MARCHF11: variants seen among roughly 807,000 people sequenced by gnomAD.
MARCHF11 encodes the protein membrane associated ring-CH-type finger 11.
A neutral mutation model predicts 37.3 loss-of-function variants in MARCHF11; 29 were observed. The observed-to-expected ratio is 0.78, with a 90% CI of 0.58 to 1.06. MARCHF11 has a LOEUF of 1.06. Ranked by LOEUF, MARCHF11 falls within the 50% of genes least tolerant of loss-of-function variation. MARCHF11 has a pLI of 0.00. For synonymous variants in MARCHF11, 233 were observed against 228.0 expected, an observed-to-expected ratio of 1.02 and a Z score of -0.20; for missense variants, 482 against 533.4, an observed-to-expected ratio of 0.90 and a Z score of 0.95.
At chr5:16,127,561 C>A (rs1268755677) in intron 2 of MARCHF11, among the ~76,000 whole-genome samples, 1 of 152,190 alleles carries the variant, frequency 6.6e-6, no homozygotes, top group African/African-American at 2.4e-5. Flanking sequence ...TGGGTCAACA[C>A]AGTAGAAGTT....
rs531971685 is a variant in MARCHF11 at position 16,178,888 on chromosome 5, G to A, written c.537+151C>T. The A allele has an allele frequency of 2.3e-5, 21 of 896,260 alleles. No individual in the cohort carries two copies. The South Asian group carries it at 5.9e-4, about 25-fold the overall frequency. The allele number at this position is 896,260 out of a possible 1,614,324, so 55.5% of individuals were successfully genotyped here. ...CCTTCACAGGAAGGGAAAGGGGAAG[G>A]CATATTGGAGCCAGCGCTCACAGGG... On this transcript the variant is annotated intron_variant, in intron 1 of 3. Coordinates refer to ENST00000332432, the MANE Select transcript of MARCHF11 (RefSeq NM_001102562.3).
At chr5:16,154,541 C>T (rs1737935358) in intron 2 of MARCHF11, among the ~76,000 whole-genome samples, 1 of 151,834 alleles carries the variant, frequency 6.6e-6, no homozygotes, top group Admixed American at 6.6e-5. Context: ...TGTCTATCTC[C>T]CAATTACATT....
intron 3 of MARCHF11, among the ~76,000 whole-genome samples, chr5:16,083,509 C>G (rs75701614): frequency 0.027 from 4,133 of 152,278 alleles, 173 homozygotes; most frequent in African/African-American, 0.094. Context: ...GTCTATGGTT[C>G]ATGAACCTGT....
chr5:16,158,828 G>A (rs1738026211), intron 2 of MARCHF11, among the ~76,000 whole-genome samples: 1 of 151,908 alleles, frequency 6.6e-6, no homozygotes, highest in African/African-American at 2.4e-5. Flanking sequence ...AGCCCAGCAT[G>A]CATTCGTTAT....
intron 1 of MARCHF11, 40 bp from the exon 2 acceptor site, chr5:16,177,921 G>C (rs1457108239): frequency 1.9e-6 from 3 of 1,542,362 alleles, no homozygotes; most frequent in East Asian, 2.3e-5. Flanking sequence ...CTGTGTCTGT[G>C]TCTCTATTTT....
intron 2 of MARCHF11, among the ~76,000 whole-genome samples, chr5:16,175,728 T>C (rs1262771349): frequency 6.6e-6 from 1 of 152,230 alleles, no homozygotes; most frequent in Non-Finnish European, 1.5e-5. Context: ...TCACAAGGGA[T>C]TGGCCTCACA....
chr5:16,146,475 TTC>T (rs1233437666), intron 2 of MARCHF11, among the ~76,000 whole-genome samples: 3 of 152,012 alleles, frequency 2.0e-5, no homozygotes, highest in African/African-American at 2.4e-5. Context: ...AAGTGTAGAG[TTC>T]TCTCTGATTC....
At chr5:16,156,709 C>T (rs1454907395) in intron 2 of MARCHF11, among the ~76,000 whole-genome samples, 2 of 151,878 alleles carry the variant, frequency 1.3e-5, no homozygotes, top group Admixed American at 6.6e-5. Context: ...TAAGTGATTT[C>T]GTCCTTGTAC....
intron 3 of MARCHF11, among the ~76,000 whole-genome samples, chr5:16,075,079 G>A (rs1736495424): frequency 6.6e-6 from 1 of 152,198 alleles, no homozygotes; most frequent in Admixed American, 6.5e-5. Flanking sequence ...GGCAGTGAAT[G>A]AAGCACACCC....
chr5:16,073,599 ATATAT>A (rs1487329948), intron 3 of MARCHF11, among the ~76,000 whole-genome samples: 130 of 149,244 alleles, frequency 8.7e-4, no homozygotes, highest in African/African-American at 3.1e-3. Context: ...GTAATATATA[ATATAT>A]AATAATATAT....
chr5:16,092,391 C>G (rs958442501), intron 2 of MARCHF11, among the ~76,000 whole-genome samples: 10 of 152,064 alleles, frequency 6.6e-5, no homozygotes, highest in Non-Finnish European at 7.4e-5. Context: ...ATAACAGAAC[C>G]GAACAACACT....
At chr5:16,089,120 G>A (rs1420304130) in intron 3 of MARCHF11, among the ~76,000 whole-genome samples, 7 of 151,600 alleles carry the variant, frequency 4.6e-5, no homozygotes, top group Non-Finnish European at 7.4e-5. Flanking sequence ...ATCATTTCCT[G>A]ACCAGGAAAT....
At chr5:16,144,387 T>C (rs1337299857) in intron 2 of MARCHF11, among the ~76,000 whole-genome samples, 1 of 152,184 alleles carries the variant, frequency 6.6e-6, no homozygotes, top group African/African-American at 2.4e-5. Context: ...GTGTTATTCG[T>C]CGCGATGTTC....
At chr5:16,093,410 G>A (rs937414851) in intron 2 of MARCHF11, among the ~76,000 whole-genome samples, 9 of 152,080 alleles carry the variant, frequency 5.9e-5, no homozygotes, top group Admixed American at 1.3e-4. Context: ...ATAATTCACC[G>A]TGGTGTCTGT....
In MARCHF11 at chr5:16,117,973, G is replaced by T. The variant is rs551160728; in HGVS notation, c.694-26892C>A. 6.6e-5 allele frequency among the ~76,000 whole-genome samples: 10 copies of T among 152,338 alleles called. No individual in the cohort carries two copies. The South Asian group carries it at 1.9e-3, about 28-fold the overall frequency. On this transcript the variant is annotated intron_variant, in intron 2 of 3. Coordinates refer to ENST00000332432, the MANE Select transcript of MARCHF11 (RefSeq NM_001102562.3). The stretch of plus-strand genomic sequence containing the variant: ...TGAGAAAGCACAGGCTGCTCTAAAA[G>T]AGGGAAAACAGAGGAACTATGTTTG...
At chr5:16,146,010 T>A (rs1398990641) in intron 2 of MARCHF11, among the ~76,000 whole-genome samples, 1 of 152,170 alleles carries the variant, frequency 6.6e-6, no homozygotes, top group Non-Finnish European at 1.5e-5. Context: ...ACAAATTCCA[T>A]AAATGGAGTG....
chr5:16,159,527 C>T (rs938832922), intron 2 of MARCHF11, among the ~76,000 whole-genome samples: 6 of 151,938 alleles, frequency 3.9e-5, no homozygotes, highest in Admixed American at 6.6e-5. Flanking sequence ...TGATCTGAAA[C>T]GATATGCATG....
Position 16,144,803 on chromosome 5 carries a change from G to A in MARCHF11, c.693+32923C>T, listed in dbSNP as rs532558208. On this transcript the variant is annotated intron_variant, in intron 2 of 3. Transcript: ENST00000332432. ...AGTTCATTATCTGAATTTTTAGGCC[G>A]TTAAGCAAACACTTAAATTAAGTAG... 3.7e-4 allele frequency among the ~76,000 whole-genome samples: 57 copies of A among 152,256 alleles called. 1 individual carries two copies. Among genetic ancestry groups the A allele is most frequent in the Middle Eastern group, 3.4e-3 (1 of 294 alleles).
In MARCHF11 at chr5:16,067,620, T is replaced by C. The variant is rs1736371488; in HGVS notation, c.1060A>G (p.Arg354Gly). The C allele has an allele frequency of 6.2e-7, 1 of 1,613,862 alleles. No homozygotes were observed. Among genetic ancestry groups the C allele is most frequent in the Admixed American group, 1.7e-5 (1 of 60,004 alleles). ...AACTGAGTTGGGTGGACCAAGTTTC[T>C]GTTCCGCAGAGCTGTCAATGGCAAC... ...LWLPLTALRN[R>G]NLVHPTQLTS... The change falls in exon 4 of 4, where the codon AGA becomes GGA. Residue 354 changes from arginine (R) to glycine (G), a missense_variant. Physicochemically the swap from Arg to Gly is moderately radical, Grantham distance 125. Coordinates refer to ENST00000332432, the MANE Select transcript of MARCHF11 (RefSeq NM_001102562.3).
Sources: gnomAD v4.1 joint callset for allele counts (sites outside exome capture counted in the v4.1 genomes callset) on GRCh38, gnomAD v4.1.1 for gene constraint, MANE v1.5 for transcripts, NCBI Gene and HGNC (gene_info 2026-07-23, HGNC 2026-07-21) for gene names.